CAV1: variants seen among roughly 807,000 people sequenced by gnomAD.
CAV1 encodes caveolin-1.
Under a neutral mutation model 16.5 loss-of-function variants are expected in CAV1, and 10 were observed. That is an observed-to-expected ratio of 0.61 (90% confidence interval 0.37 to 1.03). CAV1 has a LOEUF of 1.03. CAV1 is among the 50% of genes least tolerant of loss of function. CAV1 has a pLI of 0.01. For synonymous variants in CAV1, 76 were observed against 85.1 expected (o/e 0.89, Z 0.59); for missense variants, 212 against 232.8 (o/e 0.91, Z 0.58).
In CAV1 at chr7:116,555,568, GAA is replaced by G. The variant is rs1213506373; in HGVS notation, c.196-3376_196-3375del. ...AGAAAGAAAGAAAGAAAGAAAGAAAGAAAGAAAGAAAGAAAGAAAGAAAGAAA... is the reference window on the plus strand; with the variant it reads ...AGAAAGAAAGAAAGAAAGAAAGAAAGAGAAAGAAAGAAAGAAAGAAAGAAA... On this transcript the variant is annotated intron_variant, in intron 2 of 2. Coordinates refer to ENST00000341049, the MANE Select transcript of CAV1 (RefSeq NM_001753.5). Among the ~76,000 whole-genome samples, 145 of 55,530 alleles carry G rather than the reference GAA, an allele frequency of 2.6e-3. 1 individual carries two copies. Among genetic ancestry groups the G allele is most frequent in the African/African-American group, 9.1e-3 (123 of 13,534 alleles). 36.4% of individuals were successfully genotyped at this position (55,530 alleles called of 152,430 possible). A position where few individuals can be genotyped will look rare whatever the true frequency, so the allele number is the denominator to read the frequency against.
chr7:116,525,121 G>T (rs759425185), intron 1 of CAV1, 29 bp downstream of exon 1: 4 of 1,614,066 alleles, frequency 2.5e-6, no homozygotes, highest in Non-Finnish European at 3.4e-6. Context: ...GCGCCGGCTC[G>T]GGCGTGCGGG....
At chr7:116,558,791 C>G (rs1562840218) in intron 2 of CAV1, among the ~76,000 whole-genome samples, 155 bp from the exon 3 acceptor site, 1 of 152,006 alleles carries the variant, frequency 6.6e-6, no homozygotes, top group African/African-American at 2.4e-5. Flanking sequence ...TTCCCAAGTT[C>G]CAAGTGATGC....
intron 2 of CAV1, among the ~76,000 whole-genome samples, chr7:116,548,925 C>A (rs1293360885): frequency 5.3e-5 from 8 of 152,136 alleles, no homozygotes; most frequent in Non-Finnish European, 1.0e-4. Flanking sequence ...AATATATCTG[C>A]CACACCAATG....
chr7:116,537,417 T>C (rs1416932827), intron 2 of CAV1, among the ~76,000 whole-genome samples: 1 of 152,130 alleles, frequency 6.6e-6, no homozygotes, highest in Non-Finnish European at 1.5e-5. Context: ...ACAAAGATCA[T>C]TTTACTGACA....
Position 116,525,217 on chromosome 7 carries a change from T to A in CAV1, c.30+125T>A, listed in dbSNP as rs775471521. The A allele has an allele frequency of 3.1e-6, 5 of 1,612,836 alleles. No homozygotes were observed. In the South Asian group the frequency reaches 5.5e-5, roughly 18 times the overall value. On this transcript the variant is annotated intron_variant, in intron 1 of 2. Transcript: ENST00000341049. ...CTCTCTCCACTTCGGAGCACTCCTC[T>A]GGCGTTGGCACCGCTGAGGAATGGG...
chr7:116,526,751 C>A (rs1793572102), intron 2 of CAV1, 62 bp downstream of exon 2: 4 of 1,594,348 alleles, frequency 2.5e-6, no homozygotes, highest in South Asian at 1.1e-5. Context: ...TTAGCCCGTG[C>A]ATCCTTCTTT....
intron 2 of CAV1, among the ~76,000 whole-genome samples, chr7:116,540,072 C>T (rs948494843): frequency 4.6e-5 from 7 of 152,212 alleles, no homozygotes; most frequent in African/African-American, 1.7e-4. Context: ...GCCTCTGCTT[C>T]CTTCTCTTTG....
At position 116,559,641 on chromosome 7, in the gene CAV1, C is replaced by A. The variant is rs1049314; in HGVS notation, c.*354C>A. On this transcript the variant is annotated 3_prime_UTR_variant, in exon 3 of 3. Coordinates refer to ENST00000341049, the MANE Select transcript of CAV1 (RefSeq NM_001753.5). ...AAAAAAAAAAAAAGAAAAGAACCAA[C>A]AACCTCAACTGCCTACTCCAAAATG... 84,624 of 526,654 alleles carry A rather than the reference C, an allele frequency of 0.16. 8,027 individuals are homozygous for A. Among genetic ancestry groups the A allele is most frequent in the African/African-American group, 0.29 (14,762 of 50,248 alleles). 32.6% of individuals were successfully genotyped at this position (526,654 alleles called of 1,614,324 possible).
intron 2 of CAV1, among the ~76,000 whole-genome samples, chr7:116,555,518 A>AAGAAAGAAAGAGAGAGAGAG (rs1554357869): frequency 7.1e-5 from 1 of 14,036 alleles, no homozygotes; most frequent in African/African-American, 2.4e-4. Context: ...GAAAGAAAGA[A>AAGAAAGAAAGAGAGAGAGAG]AGAGAGAGAG....
intron 2 of CAV1, among the ~76,000 whole-genome samples, chr7:116,557,953 G>A (rs778038212): frequency 2.0e-5 from 3 of 151,968 alleles, no homozygotes; most frequent in South Asian, 2.1e-4. Context: ...TTCCAGCCTC[G>A]GTGACACAGG....
chr7:116,557,636 A>G (rs957675369), intron 2 of CAV1, among the ~76,000 whole-genome samples: 1 of 152,128 alleles, frequency 6.6e-6, no homozygotes, highest in Non-Finnish European at 1.5e-5. Flanking sequence ...CCAAATTTGC[A>G]TTCCAGCTCC....
intron 2 of CAV1, among the ~76,000 whole-genome samples, chr7:116,534,125 C>T (rs941358548): frequency 4.0e-5 from 6 of 151,322 alleles, no homozygotes; most frequent in South Asian, 2.1e-4. Context: ...GGCTGAGGCA[C>T]GAGAATCGCT....
chr7:116,539,246 C>A (rs531906174), intron 2 of CAV1, among the ~76,000 whole-genome samples: 1 of 152,218 alleles, frequency 6.6e-6, no homozygotes, highest in South Asian at 2.1e-4. Flanking sequence ...TTCATCAAAG[C>A]CTTCCAACTA....
intron 1 of CAV1, chr7:116,525,540 G>A (rs1793539505): frequency 8.2e-7 from 1 of 1,225,642 alleles, no homozygotes. Flanking sequence ...CAGACCGGCA[G>A]GTCCCGCAGG....
At chr7:116,527,516 C>G (rs1228194694) in intron 2 of CAV1, among the ~76,000 whole-genome samples, 1 of 152,176 alleles carries the variant, frequency 6.6e-6, no homozygotes, top group African/African-American at 2.4e-5. Context: ...AGACTTAGAT[C>G]TGACTCAGTG....
Position 116,551,384 on chromosome 7 carries a change from G to A in CAV1, c.196-7562G>A, listed in dbSNP as rs572755834. ...AGGTATATGAGCTGATATTTCAACC[G>A]AAACACTATCTATAGCCTAAATTTT... is the stretch of plus-strand genomic sequence containing the variant. On this transcript the variant is annotated intron_variant, in intron 2 of 2. Transcript: ENST00000341049. 5.9e-5 allele frequency among the ~76,000 whole-genome samples: 9 copies of A among 152,286 alleles called. No individual in the cohort carries two copies. In the East Asian group the frequency reaches 9.6e-4, roughly 16 times the overall value.
Position 116,559,085 on chromosome 7 carries a change from C to T in CAV1, c.335C>T (p.Ala112Val). The change falls in exon 3 of 3, where the codon GCA becomes GTA. Residue 112 changes from alanine (A) to valine (V), a missense_variant. By Grantham distance (64) the Ala-to-Val change is moderately conservative. Transcript: ENST00000341049. ...LLSALFGIPM[A>V]LIWGIYFAIL... ...TCTGCCCTCTTTGGCATCCCGATGG[C>T]ACTCATCTGGGGCATTTACTTCGCC... The T allele has an allele frequency of 6.2e-7, 1 of 1,613,878 alleles. No homozygotes were observed. The highest frequency in any genetic ancestry group is 8.5e-7 in the Non-Finnish European group (1 of 1,179,878).
intron 2 of CAV1, among the ~76,000 whole-genome samples, chr7:116,554,686 A>G (rs1794226900): frequency 6.6e-6 from 1 of 152,166 alleles, no homozygotes; most frequent in South Asian, 2.1e-4. Flanking sequence ...TCAGAGCCAT[A>G]AAAATGCAAT....
intron 2 of CAV1, among the ~76,000 whole-genome samples, chr7:116,536,159 T>C (rs188418405): frequency 4.2e-4 from 64 of 152,172 alleles, no homozygotes; most frequent in African/African-American, 1.5e-3. Flanking sequence ...AGTGAGAAAG[T>C]AGGAGATTGG....
Sources: gnomAD v4.1 joint callset for allele counts (sites outside exome capture counted in the v4.1 genomes callset) on GRCh38, gnomAD v4.1.1 for gene constraint, MANE v1.5 for transcripts, NCBI Gene and HGNC (gene_info 2026-07-23, HGNC 2026-07-21) for gene names.